RDX: variants seen among roughly 807,000 people sequenced by gnomAD.
RDX encodes the protein deafness, autosomal recessive 24.
Under a neutral mutation model 83.7 loss-of-function variants are expected in RDX, and 32 were observed. The observed-to-expected ratio is 0.38, with a 90% confidence interval of 0.29 to 0.51. RDX has a LOEUF of 0.51. Ranked by LOEUF, RDX falls within the 20% of genes least tolerant of loss-of-function variation. RDX has a pLI of 0.87. For synonymous variants in RDX, 229 were observed against 222.7 expected (o/e 1.03, Z -0.25); for missense variants, 600 against 689.9 (o/e 0.87, Z 1.46).
chr11:110,228,892 A>G (rs1864518894), downstream of RDX, among the ~76,000 whole-genome samples: 1 of 151,970 alleles, frequency 6.6e-6, no homozygotes, highest in African/African-American at 2.4e-5. Context: ...CCTTGAGAAC[A>G]GAAATAATAA....
intron 9 of RDX, among the ~76,000 whole-genome samples, chr11:110,250,348 T>G (rs968665896): frequency 6.6e-6 from 1 of 152,202 alleles, no homozygotes; most frequent in African/African-American, 2.4e-5. Flanking sequence ...CCCTAGGATG[T>G]TGATTAGACT....
chr11:110,197,868 G>A (rs1012848868), intron 15 of RDX, among the ~76,000 whole-genome samples: 2 of 152,210 alleles, frequency 1.3e-5, no homozygotes, highest in African/African-American at 4.8e-5. Flanking sequence ...GTTTCAAAGA[G>A]AGTGAGAGCA....
intron 14 of RDX, among the ~76,000 whole-genome samples, chr11:110,215,231 T>A (rs1284070028): frequency 1.3e-5 from 2 of 149,530 alleles, no homozygotes; most frequent in Non-Finnish European, 3.0e-5. Flanking sequence ...GCGTGATGGG[T>A]GGGCGCCTGT....
At chr11:110,222,567 C>A (rs531044636) in intron 14 of RDX, among the ~76,000 whole-genome samples, 1 of 152,058 alleles carries the variant, frequency 6.6e-6, no homozygotes, top group Non-Finnish European at 1.5e-5. Context: ...GAGGCCAAGG[C>A]AGGTGGATCA....
In RDX at chr11:110,237,479, G is replaced by C. The variant is rs533186850; in HGVS notation, c.1251+13C>G. 4 of 1,611,234 alleles carry C rather than the reference G, an allele frequency of 2.5e-6. No individual in the cohort carries two copies. In the Admixed American group the frequency reaches 6.7e-5, roughly 27 times the overall value. On this transcript the variant is annotated intron_variant, in intron 11 of 13. Coordinates refer to ENST00000645495, the MANE Select transcript of RDX (RefSeq NM_002906.4). ...TTATTTAAACTTTTTTCTCTAAGAA[G>C]ACAGTTCCTTACTAGCTGCTCCTGA...
intron 14 of RDX, among the ~76,000 whole-genome samples, chr11:110,210,812 C>T (rs1481976107): frequency 2.0e-5 from 3 of 151,906 alleles, no homozygotes; most frequent in South Asian, 2.1e-4. Context: ...CACCACCAGG[C>T]CTGCCTTACA....
At chr11:110,223,329 G>A (rs1346989506) in intron 14 of RDX, among the ~76,000 whole-genome samples, 1 of 151,988 alleles carries the variant, frequency 6.6e-6, no homozygotes, top group East Asian at 1.9e-4. Context: ...CTCCAGCCTG[G>A]GCGACAGAGC....
intron 1 of RDX, among the ~76,000 whole-genome samples, chr11:110,290,497 G>A (rs755863294): frequency 9.7e-5 from 14 of 144,128 alleles, no homozygotes; most frequent in South Asian, 2.3e-4. Context: ...GGGCAACAGA[G>A]ACAGTCTCAA....
chr11:110,287,631 T>G (rs1053036337), intron 1 of RDX, among the ~76,000 whole-genome samples: 1 of 152,092 alleles, frequency 6.6e-6, no homozygotes, highest in Non-Finnish European at 1.5e-5. Context: ...GGACAAGAAT[T>G]TTTAGCTCCA....
At chr11:110,180,693 C>A (rs1353514052) in intron 15 of RDX, among the ~76,000 whole-genome samples, 3 of 151,388 alleles carry the variant, frequency 2.0e-5, no homozygotes, top group Non-Finnish European at 4.4e-5. Flanking sequence ...CTCTGTCCCC[C>A]ATGCTGGAGT....
At chr11:110,184,296 C>T (rs1265604626) in intron 15 of RDX, among the ~76,000 whole-genome samples, 2 of 152,208 alleles carry the variant, frequency 1.3e-5, no homozygotes, top group African/African-American at 4.8e-5. Context: ...GAAATATTGG[C>T]AGAAGAGACA....
At chr11:110,289,174 G>A (rs1241188321) in intron 1 of RDX, among the ~76,000 whole-genome samples, 1 of 147,552 alleles carries the variant, frequency 6.8e-6, no homozygotes, top group Non-Finnish European at 1.5e-5. Flanking sequence ...GGAGGCCGAG[G>A]TTGTGGTGAG....
chr11:110,265,490 A>G (rs1859997704), intron 3 of RDX, among the ~76,000 whole-genome samples: 1 of 126,574 alleles, frequency 7.9e-6, no homozygotes, highest in Non-Finnish European at 1.7e-5. Context: ...CAATAACAAG[A>G]GTCTTGAAAA....
chr11:110,276,327 T>A (rs971527084), intron 2 of RDX, among the ~76,000 whole-genome samples: 3 of 152,194 alleles, frequency 2.0e-5, no homozygotes, highest in African/African-American at 7.2e-5. Flanking sequence ...AGTATCTGCA[T>A]AAGTGTGGAT....
In RDX at chr11:110,257,767, T is replaced by C; in HGVS notation, c.698A>G (p.Lys233Arg). Residue 233 changes from lysine to arginine, a missense_variant and splice_region_variant, in exon 7 of 14, where the codon AAG becomes AGG. By Grantham distance (26) the Lys-to-Arg change is conservative. Transcript: ENST00000645495. ...TTCACTATGCAACTAATTTACTTACTTGTCGTCATGCTCATAAATATTCAG... is the reference window on the plus strand; with the variant it reads ...TTCACTATGCAACTAATTTACTTACCTGTCGTCATGCTCATAAATATTCAG... ...LGLNIYEHDDKLTPKIGFPWS... is the reference protein window; with the variant it reads ...LGLNIYEHDDRLTPKIGFPWS... 1 of 1,611,686 alleles carries C rather than the reference T, an allele frequency of 6.2e-7. No individual in the cohort carries two copies. Among genetic ancestry groups the C allele is most frequent in the Non-Finnish European group, 8.5e-7 (1 of 1,179,624 alleles).
intron 14 of RDX, among the ~76,000 whole-genome samples, chr11:110,219,397 G>A (rs1438534745): frequency 6.6e-6 from 1 of 152,218 alleles, no homozygotes; most frequent in African/African-American, 2.4e-5. Flanking sequence ...TCAGAGATGG[G>A]AAACCTCCGA....
At chr11:110,248,805 C>G (rs1003090769) in intron 9 of RDX, among the ~76,000 whole-genome samples, 3 of 152,150 alleles carry the variant, frequency 2.0e-5, no homozygotes, top group Admixed American at 6.6e-5. Context: ...GGGAGGGCAA[C>G]AATTTTCAAT....
chr11:110,228,560 T>C (rs1864506385), downstream of RDX, among the ~76,000 whole-genome samples: 1 of 152,076 alleles, frequency 6.6e-6, no homozygotes, highest in East Asian at 1.9e-4. Context: ...TAGACTTTAG[T>C]TTCCAGCTTT....
At chr11:110,192,975 T>G (rs1275875543) in intron 15 of RDX, among the ~76,000 whole-genome samples, 1 of 152,166 alleles carries the variant, frequency 6.6e-6, no homozygotes, top group Non-Finnish European at 1.5e-5. Flanking sequence ...TCAAAGAACT[T>G]AAAACAGAAC....
Sources: gnomAD v4.1 joint callset for allele counts (sites outside exome capture counted in the v4.1 genomes callset) on GRCh38, gnomAD v4.1.1 for gene constraint, MANE v1.5 for transcripts, NCBI Gene and HGNC (gene_info 2026-07-23, HGNC 2026-07-21) for gene names.